Variants in STIM2 observed in about 807,000 individuals in gnomAD.
STIM2 encodes the protein stromal interaction molecule 2.
In STIM2, 31 loss-of-function variants were observed where a neutral mutation model predicts 85.8. That is an observed-to-expected ratio of 0.36 (90% CI 0.27 to 0.49). The LOEUF is 0.49. STIM2 is among the 20% of genes least tolerant of loss of function. The pLI is 0.98. For synonymous variants in STIM2, 356 were observed against 331.1 expected, an observed-to-expected ratio of 1.08 and a Z score of -0.82; for missense variants, 841 against 927.6, an observed-to-expected ratio of 0.91 and a Z score of 1.21.
chr4:26,996,119 T>A (rs1727952706), intron 4 of STIM2, among the ~76,000 whole-genome samples: 1 of 152,068 alleles, frequency 6.6e-6, no homozygotes, highest in African/African-American at 2.4e-5. Flanking sequence ...ATAGATTTGA[T>A]AGCAAAGTCC....
intron 1 of STIM2, among the ~76,000 whole-genome samples, chr4:26,878,040 A>G (rs189562765): frequency 2.6e-5 from 4 of 152,328 alleles, no homozygotes; most frequent in Admixed American, 2.6e-4. Flanking sequence ...GTGAGGAAAT[A>G]TAAATGGATT....
At chr4:26,975,525 C>G (rs1284375271) in intron 3 of STIM2, among the ~76,000 whole-genome samples, 1 of 152,190 alleles carries the variant, frequency 6.6e-6, no homozygotes, top group Non-Finnish European at 1.5e-5. Context: ...TGCTGCAGTT[C>G]CATTCCAGAC....
At chr4:26,885,843 A>ATGTATATATATATATATG (rs1723209327) in intron 1 of STIM2, among the ~76,000 whole-genome samples, 2 of 37,972 alleles carry the variant, frequency 5.3e-5, no homozygotes, top group African/African-American at 1.3e-4. Context: ...ATATATATAT[A>ATGTATATATATATATATG]TATATATATA....
At chr4:26,939,912 A>C (rs1218673008) in intron 2 of STIM2, among the ~76,000 whole-genome samples, 2 of 152,208 alleles carry the variant, frequency 1.3e-5, no homozygotes, top group Non-Finnish European at 2.9e-5. Flanking sequence ...ATGTATGTAT[A>C]TACCACAAGG....
intron 1 of STIM2, among the ~76,000 whole-genome samples, chr4:26,884,889 G>A (rs1197673879): frequency 1.3e-5 from 2 of 152,226 alleles, no homozygotes; most frequent in African/African-American, 2.4e-5. Flanking sequence ...GCAAGTGGGT[G>A]AGACAGAATT....
At chr4:26,889,503 A>G (rs887204045) in intron 1 of STIM2, among the ~76,000 whole-genome samples, 29 of 152,296 alleles carry the variant, frequency 1.9e-4, no homozygotes, top group South Asian at 4.1e-4. Flanking sequence ...AGAAATCCAT[A>G]TCTAGAGTAT....
intron 1 of STIM2, among the ~76,000 whole-genome samples, chr4:26,892,380 T>C (rs1463212689): frequency 2.6e-5 from 4 of 152,150 alleles, no homozygotes; most frequent in Non-Finnish European, 5.9e-5. Flanking sequence ...CTTCATGTGG[T>C]GGACAGCAGA....
rs1728977968 is a variant in STIM2 at position 27,023,380 on chromosome 4, A to G, written c.*384A>G. 5.0e-6 allele frequency: 1 copy of G among 200,280 alleles called. No individual in the cohort carries two copies. The highest frequency in any genetic ancestry group is 1.0e-5 in the Non-Finnish European group (1 of 96,292). 12.4% of individuals were successfully genotyped at this position (200,280 alleles called of 1,614,324 possible). A position where few individuals can be genotyped will look rare whatever the true frequency, so the allele number is the denominator to read the frequency against. On this transcript the variant is annotated 3_prime_UTR_variant, in exon 12 of 12. Transcript: ENST00000467087. Reference sequence around the variant, plus strand: ...GCAAAAATTTCTTGTTTACCAGAGCATCTTCTTATCTTTCCACAGAGCTAT... The same window carrying G: ...GCAAAAATTTCTTGTTTACCAGAGCGTCTTCTTATCTTTCCACAGAGCTAT...
chr4:26,928,907 C>A (rs1232319672), intron 2 of STIM2, among the ~76,000 whole-genome samples: 1 of 152,090 alleles, frequency 6.6e-6, no homozygotes, highest in African/African-American at 2.4e-5. Flanking sequence ...AAGATGATAT[C>A]TTTCTGTATT....
At chr4:26,983,616 G>A (rs888157666) in intron 3 of STIM2, among the ~76,000 whole-genome samples, 4 of 152,100 alleles carry the variant, frequency 2.6e-5, no homozygotes, top group African/African-American at 9.7e-5. Flanking sequence ...AAGAAATCAA[G>A]GTTTACAAGT....
chr4:26,908,953 C>T (rs1171821720), intron 1 of STIM2, among the ~76,000 whole-genome samples: 1 of 152,178 alleles, frequency 6.6e-6, no homozygotes, highest in Non-Finnish European at 1.5e-5. Context: ...TTGGCTCATG[C>T]CTGTAATCCC....
chr4:26,883,348 A>G (rs1420753399), intron 1 of STIM2, among the ~76,000 whole-genome samples: 1 of 152,110 alleles, frequency 6.6e-6, no homozygotes, highest in African/African-American at 2.4e-5. Flanking sequence ...TTAAAAATAA[A>G]GAGATAATCA....
chr4:26,950,182 A>AT (rs1387476975), intron 2 of STIM2, among the ~76,000 whole-genome samples: 1 of 152,160 alleles, frequency 6.6e-6, no homozygotes, highest in Non-Finnish European at 1.5e-5. Context: ...AGTGACAGCT[A>AT]TTTCATGTTT....
At chr4:27,004,055 G>A (rs770964651) in intron 7 of STIM2, among the ~76,000 whole-genome samples, 21 of 152,220 alleles carry the variant, frequency 1.4e-4, no homozygotes, top group Non-Finnish European at 2.1e-4. Flanking sequence ...CCTCCACTTT[G>A]TTTTATGCGC....
chr4:26,963,920 G>A (rs1726581415), intron 3 of STIM2, among the ~76,000 whole-genome samples: 2 of 152,134 alleles, frequency 1.3e-5, no homozygotes, highest in Admixed American at 1.3e-4. Flanking sequence ...TTTGTCTTTT[G>A]CTCTTACCAT....
intron 3 of STIM2, among the ~76,000 whole-genome samples, chr4:26,959,525 C>T (rs1320934741): frequency 2.6e-5 from 4 of 151,956 alleles, no homozygotes; most frequent in African/African-American, 4.8e-5. Flanking sequence ...TTGACTTGCT[C>T]ATTATATATA....
intron 11 of STIM2, 74 bp from the exon 12 acceptor site, chr4:27,022,445 T>C (rs1728944521): frequency 8.2e-7 from 1 of 1,226,792 alleles, no homozygotes; most frequent in Non-Finnish European, 1.1e-6. Context: ...AAAGTTGTTT[T>C]AGTTAGAATG....
intron 3 of STIM2, among the ~76,000 whole-genome samples, chr4:26,971,815 A>G (rs533615660): frequency 6.6e-6 from 1 of 152,324 alleles, no homozygotes; most frequent in African/African-American, 2.4e-5. Flanking sequence ...CATTGAATCT[A>G]TAAATTACCT....
At chr4:27,018,032 G>A in intron 11 of STIM2, 48 bp downstream of exon 11, 1 of 1,567,488 alleles carries the variant, frequency 6.4e-7, no homozygotes, top group Non-Finnish European at 8.7e-7. Context: ...TGGGTTGGGG[G>A]TAAGGTGTGA....
Sources: gnomAD v4.1 joint callset for allele counts (sites outside exome capture counted in the v4.1 genomes callset) on GRCh38, gnomAD v4.1.1 for gene constraint, MANE v1.5 for transcripts, NCBI Gene and HGNC (gene_info 2026-07-23, HGNC 2026-07-21) for gene names.